Variants in CA10 observed in about 807,000 individuals in gnomAD.
The protein encoded by CA10 is carbonic anhydrase 10 (inactive).
CA10 carries 14 observed loss-of-function variants against 44.2 expected under a neutral mutation model. The observed-to-expected ratio is 0.32, with a 90% CI of 0.21 to 0.50. The LOEUF is 0.50. Ranked by LOEUF, CA10 falls within the 20% of genes least tolerant of loss-of-function variation. The pLI is 0.99. For synonymous variants in CA10, 159 were observed against 141.6 expected, an observed-to-expected ratio of 1.12 and a Z score of -0.87; for missense variants, 350 against 409.7, an observed-to-expected ratio of 0.85 and a Z score of 1.26.
intron 2 of CA10, among the ~76,000 whole-genome samples, chr17:52,040,591 G>A (rs990147693): frequency 2.0e-5 from 3 of 152,036 alleles, no homozygotes; most frequent in Non-Finnish European, 4.4e-5. Context: ...GCAGGACAAT[G>A]ATCCCTGAAA....
intron 4 of CA10, among the ~76,000 whole-genome samples, chr17:51,718,630 C>G (rs1006549919): frequency 1.3e-5 from 2 of 152,210 alleles, no homozygotes; most frequent in Non-Finnish European, 2.9e-5. Context: ...TTAATTGAAC[C>G]CAAAAAAGTG....
At chr17:51,898,271 G>A (rs928790936) in intron 3 of CA10, among the ~76,000 whole-genome samples, 3 of 151,842 alleles carry the variant, frequency 2.0e-5, no homozygotes, top group African/African-American at 7.2e-5. Flanking sequence ...TTTTTAAAAT[G>A]TTGAATTTTA....
At chr17:52,054,557 G>T (rs938608105) in intron 2 of CA10, among the ~76,000 whole-genome samples, 2 of 151,906 alleles carry the variant, frequency 1.3e-5, no homozygotes, top group Non-Finnish European at 2.9e-5. Context: ...TACCCTAATT[G>T]TACACTCCCT....
intron 4 of CA10, among the ~76,000 whole-genome samples, chr17:51,707,735 T>C (rs1321185711): frequency 1.4e-5 from 2 of 148,092 alleles, no homozygotes; most frequent in Non-Finnish European, 1.5e-5. Flanking sequence ...ATCAAGAAAA[T>C]GGAATCCCTT....
intron 3 of CA10, among the ~76,000 whole-genome samples, chr17:51,769,028 T>C (rs1403325687): frequency 6.6e-6 from 1 of 152,252 alleles, no homozygotes; most frequent in African/African-American, 2.4e-5. Context: ...TTTTTAATTT[T>C]AAAAACAAAT....
In CA10 at chr17:51,909,360, G is replaced by A. The variant is rs1007897243; in HGVS notation, c.279+21630C>T. On this transcript the variant is annotated intron_variant, in intron 3 of 8. Coordinates refer to ENST00000451037, the MANE Select transcript of CA10 (RefSeq NM_020178.5). ...ATTAGTCACTATTTATCTGAAGACC[G>A]AGAATCCAGCTTGTTACCATGATTT... is the stretch of plus-strand genomic sequence containing the variant. Among the ~76,000 whole-genome samples the A allele has an allele frequency of 4.6e-5, 7 of 152,232 alleles. No homozygotes were observed. The Middle Eastern group carries it at 0.014, about 296-fold the overall frequency.
intron 3 of CA10, among the ~76,000 whole-genome samples, chr17:51,793,384 C>T (rs1182115551): frequency 6.6e-6 from 1 of 152,112 alleles, no homozygotes; most frequent in Non-Finnish European, 1.5e-5. Context: ...TTTGCTTGCC[C>T]CTATCAGTTA....
intron 2 of CA10, among the ~76,000 whole-genome samples, chr17:51,953,728 ATAT>A (rs1486312334): frequency 2.0e-4 from 30 of 152,246 alleles, no homozygotes; most frequent in African/African-American, 6.5e-4. Flanking sequence ...TAAATCTTGC[ATAT>A]TATTACTTTT....
At chr17:52,020,428 T>A (rs1276297573) in intron 2 of CA10, among the ~76,000 whole-genome samples, 1 of 152,062 alleles carries the variant, frequency 6.6e-6, no homozygotes, top group Admixed American at 6.6e-5. Context: ...TACTTTTTCC[T>A]CATTACTTTC....
intron 2 of CA10, among the ~76,000 whole-genome samples, chr17:51,959,494 T>C (rs1192629706): frequency 2.6e-5 from 4 of 151,806 alleles, no homozygotes; most frequent in Non-Finnish European, 1.5e-5. Context: ...AGAGAAATCA[T>C]GGAGGAGAAA....
chr17:52,055,874 G>C (rs1987214057), intron 2 of CA10, among the ~76,000 whole-genome samples: 1 of 152,214 alleles, frequency 6.6e-6, no homozygotes, highest in South Asian at 2.1e-4. Context: ...AAGGCAGATA[G>C]CCTCAAATAA....
intron 2 of CA10, among the ~76,000 whole-genome samples, chr17:52,003,395 A>G (rs1985494946): frequency 6.6e-6 from 1 of 151,904 alleles, no homozygotes; most frequent in Non-Finnish European, 1.5e-5. Context: ...GTACATTGTA[A>G]GAGCCAGATT....
At chr17:51,829,330 T>A (rs1908143403) in intron 3 of CA10, among the ~76,000 whole-genome samples, 1 of 152,216 alleles carries the variant, frequency 6.6e-6, no homozygotes. Flanking sequence ...GTAGCTTTGG[T>A]GGCTGTAAAG....
At chr17:51,720,302 A>G (rs1392725630) in intron 4 of CA10, among the ~76,000 whole-genome samples, 2 of 152,204 alleles carry the variant, frequency 1.3e-5, no homozygotes, top group African/African-American at 2.4e-5. Context: ...ATATACTGGA[A>G]GCAGTGGACA....
At chr17:51,935,472 T>C (rs1041472976) in intron 2 of CA10, among the ~76,000 whole-genome samples, 1 of 152,196 alleles carries the variant, frequency 6.6e-6, no homozygotes, top group African/African-American at 2.4e-5. Context: ...GGCATCCTTT[T>C]TGTACAATCT....
chr17:51,740,454 G>A (rs557264216), intron 4 of CA10, among the ~76,000 whole-genome samples: 35 of 152,270 alleles, frequency 2.3e-4, no homozygotes, highest in African/African-American at 6.7e-4. Context: ...CCCGAACTAA[G>A]TCCAATCTTG....
intron 4 of CA10, among the ~76,000 whole-genome samples, chr17:51,705,542 G>A (rs995495305): frequency 1.3e-5 from 2 of 152,102 alleles, no homozygotes; most frequent in Non-Finnish European, 2.9e-5. Flanking sequence ...AATATGGTGA[G>A]TGCCCTAGGC....
At chr17:52,138,091 C>T (rs1298769718) in intron 1 of CA10, among the ~76,000 whole-genome samples, 1 of 152,022 alleles carries the variant, frequency 6.6e-6, no homozygotes, top group Non-Finnish European at 1.5e-5. Context: ...AAGGTGTCAG[C>T]AGGCATGTGT....
At chr17:51,655,762 C>T (rs1913770101) in intron 4 of CA10, among the ~76,000 whole-genome samples, 1 of 152,256 alleles carries the variant, frequency 6.6e-6, no homozygotes, top group East Asian at 1.9e-4. Flanking sequence ...CTGAGAATAT[C>T]CTGAGCCTCC....
Sources: allele counts gnomAD v4.1 joint callset (sites outside exome capture counted in the v4.1 genomes callset), GRCh38; gene constraint gnomAD v4.1.1; transcripts MANE v1.5; gene names NCBI Gene and HGNC (gene_info 2026-07-23, HGNC 2026-07-21).